The following EFCAB5 variants were observed in gnomAD, a reference collection of about 807,000 sequenced individuals.
EFCAB5 encodes the protein EF-hand calcium binding domain 5, also known as EF-hand calcium-binding domain-containing protein 5.
A neutral mutation model predicts 167.9 loss-of-function variants in EFCAB5; 131 were observed. That is an observed-to-expected ratio of 0.78 (90% confidence interval 0.68 to 0.90). The LOEUF is 0.90. Among genes scored for constraint, EFCAB5 ranks in the 40% least tolerant of loss-of-function variants. EFCAB5 has a pLI of 0.00. For synonymous variants in EFCAB5, 574 were observed against 602.8 expected (o/e 0.95, Z 0.70); for missense variants, 1,663 against 1,745.2 (o/e 0.95, Z 0.84).
chr17:30,053,680 C>G lies in EFCAB5; in HGVS notation c.1726C>G (p.Gln576Glu). The change falls in exon 10 of 23, where the codon CAA (glutamine) becomes GAA (glutamate). Residue 576 changes from glutamine to glutamate, a missense_variant. Transcript: ENST00000394835. ...QETHRESTTE[Q>E]GQHKGSIEGQ... Reference sequence around the variant, plus strand: ...AACACACAGAGAGTCAACTACAGAACAAGGACAGCACAAAGGGTCAATAGA... The same window carrying G: ...AACACACAGAGAGTCAACTACAGAAGAAGGACAGCACAAAGGGTCAATAGA... The G allele has an allele frequency of 6.2e-7, 1 of 1,613,944 alleles. No homozygotes were observed. The highest frequency in any genetic ancestry group is 8.5e-7 in the Non-Finnish European group (1 of 1,179,870).
chr17:29,958,869 CTG>C lies in EFCAB5; in HGVS notation c.191-9919_191-9918del, dbSNP rs1218188244. On this transcript the variant is annotated intron_variant, in intron 3 of 22. Transcript: ENST00000394835. Reference sequence around the variant, plus strand: ...AGAGGGCACCCCAAACCCACTAACACTGTGAATCTTGAAGCCTTGTAGAGGTA... The same window carrying C: ...AGAGGGCACCCCAAACCCACTAACACTGAATCTTGAAGCCTTGTAGAGGTA... 4.6e-5 allele frequency among the ~76,000 whole-genome samples: 7 copies of C among 152,314 alleles called. No individual in the cohort carries two copies. In the East Asian group the frequency reaches 1.4e-3, roughly 29 times the overall value.
rs2068540172 is a variant in EFCAB5 at position 29,996,217 on chromosome 17, A to G, written c.925-95A>G. 5 of 1,015,096 alleles carry G rather than the reference A, an allele frequency of 4.9e-6. No homozygotes were observed. The South Asian group carries it at 8.0e-5, about 16-fold the overall frequency. 62.9% of individuals were successfully genotyped at this position (1,015,096 alleles called of 1,614,324 possible). A position where few individuals can be genotyped will look rare whatever the true frequency, so the allele number is the denominator to read the frequency against. ...AAAGATCACCCAATACTAAAACAGA[A>G]AGACTATAGATGGCTTTTAGTCTAA... is the stretch of plus-strand genomic sequence containing the variant. On this transcript the variant is annotated intron_variant, in intron 5 of 22. Transcript: ENST00000394835.
At chr17:29,955,317 C>A (rs1675919079) in intron 3 of EFCAB5, among the ~76,000 whole-genome samples, 1 of 152,054 alleles carries the variant, frequency 6.6e-6, no homozygotes, top group Admixed American at 6.6e-5. Context: ...ATGGGAGGGA[C>A]CTGGTGGGAG....
At chr17:29,958,274 C>T (rs1167219411) in intron 3 of EFCAB5, among the ~76,000 whole-genome samples, 3 of 152,094 alleles carry the variant, frequency 2.0e-5, no homozygotes, top group Non-Finnish European at 4.4e-5. Context: ...AGGTCAATAA[C>T]TCTTAACTTG....
chr17:30,036,289 CA>C (rs1567730244), intron 8 of EFCAB5, among the ~76,000 whole-genome samples: 108 of 121,820 alleles, frequency 8.9e-4, no homozygotes, highest in African/African-American at 3.2e-3. Context: ...ATATAATACA[CA>C]TATATAATAT....
intron 17 of EFCAB5, 111 bp downstream of exon 17, chr17:30,081,092 A>G (rs1011087656): frequency 1.3e-6 from 1 of 791,606 alleles, no homozygotes; most frequent in African/African-American, 1.7e-5. Flanking sequence ...TACAGATAAC[A>G]TCATCATACT....
In EFCAB5 at chr17:29,991,125, G is replaced by A. The variant is rs1481227141; in HGVS notation, c.768-2040G>A. On this transcript the variant is annotated intron_variant, in intron 4 of 22. Transcript: ENST00000394835. The stretch of plus-strand genomic sequence containing the variant: ...GTCCCATTGTTACCCTGATGCTTCC[G>A]AGCTCCCCTTCTTACTCACCACGGG... 4.6e-5 allele frequency among the ~76,000 whole-genome samples: 7 copies of A among 152,136 alleles called. No individual in the cohort carries two copies. In the East Asian group the frequency reaches 5.8e-4, roughly 13 times the overall value.
intron 3 of EFCAB5, among the ~76,000 whole-genome samples, chr17:29,967,362 G>T (rs2067851271): frequency 6.6e-6 from 1 of 152,162 alleles, no homozygotes. Context: ...TGCTTCTCTA[G>T]CCTAAACATC....
chr17:30,089,084 TC>T (rs1481222258), intron 19 of EFCAB5, among the ~76,000 whole-genome samples: 2 of 152,040 alleles, frequency 1.3e-5, no homozygotes, highest in Non-Finnish European at 2.9e-5. Flanking sequence ...ATGCTATCCC[TC>T]CCCCTTCCCT....
intron 8 of EFCAB5, among the ~76,000 whole-genome samples, chr17:30,046,102 C>A (rs1327305972): frequency 6.6e-6 from 1 of 152,056 alleles, no homozygotes; most frequent in Admixed American, 6.5e-5. Flanking sequence ...AGAATAATCA[C>A]CACCTTTGGA....
intron 7 of EFCAB5, among the ~76,000 whole-genome samples, chr17:30,019,531 C>T (rs778116065): frequency 1.7e-4 from 26 of 151,602 alleles, no homozygotes; most frequent in South Asian, 6.3e-4. Flanking sequence ...CTGCAACCTC[C>T]GCCTTCCTGG....
At chr17:30,079,036 C>T (rs1287244780) in intron 15 of EFCAB5, among the ~76,000 whole-genome samples, 1 of 152,232 alleles carries the variant, frequency 6.6e-6, no homozygotes, top group Non-Finnish European at 1.5e-5. Flanking sequence ...ACAGCCTTGC[C>T]ACCTCCTCAG....
chr17:29,998,314 C>G (rs2068589502), intron 6 of EFCAB5, among the ~76,000 whole-genome samples: 1 of 152,154 alleles, frequency 6.6e-6, no homozygotes, highest in Non-Finnish European at 1.5e-5. Flanking sequence ...AATTTGGGAT[C>G]CTGATAAAAT....
Position 29,941,813 on chromosome 17 carries a change from C to T in EFCAB5, c.17C>T (p.Ser6Phe). 2 of 1,605,758 alleles carry T rather than the reference C, an allele frequency of 1.2e-6. No homozygotes were observed. Among genetic ancestry groups the T allele is most frequent in the Non-Finnish European group, 1.7e-6 (2 of 1,175,506 alleles). The change falls in exon 1 of 23, where the codon TCT becomes TTT. Residue 6 changes from serine (S) to phenylalanine (F), a missense_variant. Ser to Phe is a radical substitution (Grantham distance 155). Coordinates refer to ENST00000394835, the MANE Select transcript of EFCAB5 (RefSeq NM_198529.4). MNESA[S>F]QEELRPAQEN... ...GGAGTCCAAATGAATGAGTCAGCATCTCAAGAGGAACTCAGACCTGCTCAG... is the reference window on the plus strand; with the variant it reads ...GGAGTCCAAATGAATGAGTCAGCATTTCAAGAGGAACTCAGACCTGCTCAG...
chr17:29,968,936 C>T lies in EFCAB5; in HGVS notation c.336C>T (p.His112=). Residue 112 remains histidine (H), a synonymous_variant, in exon 4 of 23, where the codon CAC becomes CAT. Transcript: ENST00000394835. ...CTGAACTGAAATCAAAGCCAGAGCA[C>T]ACATGGAAGAAAAACCTTTTTGAAA... ...DETELKSKPE[H]TWKKNLFERM... is the part of the protein sequence containing the mutation. The T allele has an allele frequency of 6.3e-7, 1 of 1,584,946 alleles. No individual in the cohort carries two copies. The highest frequency in any genetic ancestry group is 8.6e-7 in the Non-Finnish European group (1 of 1,165,198).
In EFCAB5 at chr17:30,090,556, T is replaced by G. The variant is rs771034291; in HGVS notation, c.3819T>G (p.Asn1273Lys). 3.8e-5 allele frequency: 62 copies of G among 1,613,768 alleles called. No individual in the cohort carries two copies. The highest frequency in any genetic ancestry group is 5.3e-5 in the Non-Finnish European group (62 of 1,179,880). ...LGVLDFNIGQ[N>K]RMLLCQEYKD... ...TCCTCGATTTTAACATCGGCCAAAA[T>G]AGGATGTTGTTGTGTCAAGAATATA... Residue 1273 changes from asparagine to lysine, a missense_variant, in exon 20 of 23, where the codon AAT (asparagine) becomes AAG (lysine). Physicochemically the swap from Asn to Lys is moderately conservative, Grantham distance 94. Transcript: ENST00000394835.
At chr17:30,079,500 A>G (rs2070939428) in intron 15 of EFCAB5, among the ~76,000 whole-genome samples, 1 of 152,236 alleles carries the variant, frequency 6.6e-6, no homozygotes. Flanking sequence ...ACATAATAAT[A>G]ATATTTAAGG....
At chr17:30,103,429 G>T (rs768979773) in intron 22 of EFCAB5, among the ~76,000 whole-genome samples, 2 of 151,954 alleles carry the variant, frequency 1.3e-5, no homozygotes, top group Non-Finnish European at 2.9e-5. Flanking sequence ...ATGTGATATT[G>T]TACAGAAATT....
At chr17:29,995,358 G>A (rs2068522458) in intron 5 of EFCAB5, among the ~76,000 whole-genome samples, 1 of 152,194 alleles carries the variant, frequency 6.6e-6, no homozygotes, top group Non-Finnish European at 1.5e-5. Flanking sequence ...AAAATGCCTT[G>A]AGCATCCCAA....
Sources: allele counts gnomAD v4.1 joint callset (sites outside exome capture counted in the v4.1 genomes callset), GRCh38; gene constraint gnomAD v4.1.1; transcripts MANE v1.5; gene names NCBI Gene and HGNC (gene_info 2026-07-23, HGNC 2026-07-21).